The following RAB11FIP4 variants were observed in gnomAD, a reference collection of about 807,000 sequenced individuals.
The protein encoded by RAB11FIP4 is RAB11 family interacting protein 4.
In RAB11FIP4, 23 loss-of-function variants were observed where a neutral mutation model predicts 74.3. The ratio of observed to expected loss-of-function variants is 0.31; its 90% CI spans 0.22 to 0.44. The LOEUF (loss-of-function observed/expected upper bound fraction) is 0.44, where lower values mean the gene tolerates loss of function less well. Among genes scored for constraint, RAB11FIP4 ranks in the 20% least tolerant of loss-of-function variants. The pLI, the probability that RAB11FIP4 is intolerant of heterozygous loss-of-function variation, is 1.00. For missense variants in RAB11FIP4, 630 were observed against 863.9 expected (o/e 0.73, Z 3.39); for synonymous variants, 360 against 359.9 (o/e 1.00, Z 0.00).
At chr17:31,491,299 A>G (rs1188967144) in intron 3 of RAB11FIP4, among the ~76,000 whole-genome samples, 2 of 152,232 alleles carry the variant, frequency 1.3e-5, no homozygotes, top group African/African-American at 4.8e-5. Context: ...CATTCACCAG[A>G]TTCTTCGTTG....
rs139642039 is a variant in RAB11FIP4, at chr17:31,394,161, G to A, written c.159+2150G>A. Among the ~76,000 whole-genome samples the A allele has an allele frequency of 3.6e-3, 544 of 152,234 alleles. 6 individuals are homozygous for A. Among genetic ancestry groups the A allele is most frequent in the African/African-American group, 0.012 (517 of 41,536 alleles). ...ATGCATTGCAGAAAACTGGAAATAG[G>A]GACAAGCAAAATAAAAAGTATTGTG... On this transcript the variant is annotated intron_variant, in intron 1 of 14. Transcript: ENST00000621161.
At chr17:31,464,749 CTTT>C (rs58083480) in intron 3 of RAB11FIP4, among the ~76,000 whole-genome samples, 104 of 39,636 alleles carry the variant, frequency 2.6e-3, no homozygotes, top group African/African-American at 0.01. Flanking sequence ...CTGTGCCCGG[CTTT>C]TTTTTTTTTT....
intron 3 of RAB11FIP4, among the ~76,000 whole-genome samples, chr17:31,495,201 T>G (rs2072090804): frequency 6.6e-6 from 1 of 151,796 alleles, no homozygotes; most frequent in South Asian, 2.1e-4. Context: ...GACAAAAAGG[T>G]GCAGGCTGTG....
chr17:31,450,297 G>A (rs1161494422), intron 3 of RAB11FIP4, among the ~76,000 whole-genome samples: 4 of 149,586 alleles, frequency 2.7e-5, no homozygotes, highest in South Asian at 2.2e-4. Flanking sequence ...TTTTCTCCCC[G>A]CACACCACCC....
chr17:31,499,648 C>A (rs9907422), intron 3 of RAB11FIP4, among the ~76,000 whole-genome samples: 52,371 of 152,078 alleles, frequency 0.34, 9,879 homozygotes, highest in Non-Finnish European at 0.42. Context: ...AGCCACCGCA[C>A]CTGGCCACAT....
intron 3 of RAB11FIP4, among the ~76,000 whole-genome samples, chr17:31,466,815 C>T (rs1012582197): frequency 6.6e-6 from 1 of 152,214 alleles, no homozygotes; most frequent in African/African-American, 2.4e-5. Flanking sequence ...CTTCCCTTAG[C>T]CCTCAGAGTC....
chr17:31,391,966 G>A lies in RAB11FIP4; in HGVS notation c.114G>A (p.Val38=). ...CGRDPDGFLR[V]ERVAALGLRF... Reference sequence around the variant, plus strand: ...GCGACCCCGACGGCTTCCTGCGCGTGGAGCGCGTCGCGGCGCTCGGACTGC... The same window carrying A: ...GCGACCCCGACGGCTTCCTGCGCGTAGAGCGCGTCGCGGCGCTCGGACTGC... The change falls in exon 1 of 15, where the codon GTG becomes GTA. Residue 38 remains valine, a synonymous_variant. Transcript: ENST00000621161. The A allele has an allele frequency of 7.3e-7, 1 of 1,374,314 alleles. No homozygotes were observed. Among genetic ancestry groups the A allele is most frequent in the African/African-American group, 1.5e-5 (1 of 66,650 alleles). The allele number at this position is 1,374,314 out of a possible 1,614,324, so 85.1% of individuals were successfully genotyped here.
chr17:31,526,283 C>T (rs2072765635), intron 10 of RAB11FIP4: 1 of 152,352 alleles, frequency 6.6e-6, no homozygotes, highest in Admixed American at 6.5e-5. Context: ...ACAGTGTGAA[C>T]CTGGGCCACA....
chr17:31,511,547 A>G (rs2072452461), intron 3 of RAB11FIP4, among the ~76,000 whole-genome samples: 1 of 152,202 alleles, frequency 6.6e-6, no homozygotes. Flanking sequence ...GGGTTCTGAC[A>G]TGTAAATCCC....
chr17:31,490,621 T>C (rs1457865924), intron 3 of RAB11FIP4, among the ~76,000 whole-genome samples: 1 of 152,006 alleles, frequency 6.6e-6, no homozygotes, highest in Admixed American at 6.6e-5. Flanking sequence ...AGTGGTGTGA[T>C]CAGGGCTCAC....
chr17:31,506,412 T>C (rs933353100), intron 3 of RAB11FIP4, among the ~76,000 whole-genome samples: 21 of 152,338 alleles, frequency 1.4e-4, no homozygotes, highest in African/African-American at 4.6e-4. Flanking sequence ...CAAAATGCTA[T>C]CTTCTAGCTA....
chr17:31,411,181 G>A (rs8080218), intron 1 of RAB11FIP4, among the ~76,000 whole-genome samples: 2,830 of 152,190 alleles, frequency 0.019, 88 homozygotes, highest in African/African-American at 0.064. Context: ...GGCTAACATG[G>A]TGAAACCCCG....
chr17:31,515,378 C>G (rs1210606550), intron 3 of RAB11FIP4, among the ~76,000 whole-genome samples: 1 of 151,694 alleles, frequency 6.6e-6, no homozygotes, highest in Non-Finnish European at 1.5e-5. Context: ...TTGGCGTGCC[C>G]GGCTCGCTGG....
intron 3 of RAB11FIP4, among the ~76,000 whole-genome samples, chr17:31,451,640 C>G (rs570396196): frequency 7.2e-5 from 11 of 152,226 alleles, no homozygotes; most frequent in African/African-American, 2.6e-4. Context: ...GCCACCCTGA[C>G]CTGTTTTCTG....
intron 1 of RAB11FIP4, among the ~76,000 whole-genome samples, chr17:31,400,848 C>A (rs941876571): frequency 6.6e-6 from 1 of 152,178 alleles, no homozygotes; most frequent in African/African-American, 2.4e-5. Context: ...CACGCTTCAG[C>A]CCCCACCGCC....
chr17:31,530,403 C>A lies in RAB11FIP4; in HGVS notation c.1731C>A (p.Asn577Lys), dbSNP rs765734545. The change falls in exon 14 of 15, where the codon AAC becomes AAA. Residue 577 changes from asparagine (N) to lysine (K), a missense_variant. Physicochemically the swap from Asn to Lys is moderately conservative, Grantham distance 94 (BLOSUM62 0). Coordinates refer to ENST00000621161, the MANE Select transcript of RAB11FIP4 (RefSeq NM_032932.6). ...GCCTCAGCCTCTACGAAGCAAAAAACCTCTTTGCTGCCCAGACTAAAGCCC... is the reference window on the plus strand; with the variant it reads ...GCCTCAGCCTCTACGAAGCAAAAAAACTCTTTGCTGCCCAGACTAAAGCCC... Reference protein sequence around the residue: ...ILSLSLYEAKNLFAAQTKAQS... With the variant: ...ILSLSLYEAKKLFAAQTKAQS... The A allele has an allele frequency of 7.4e-6, 12 of 1,614,178 alleles. No homozygotes were observed. The South Asian group carries it at 1.3e-4, about 18-fold the overall frequency.
intron 1 of RAB11FIP4, among the ~76,000 whole-genome samples, chr17:31,400,337 T>G (rs573026040): frequency 2.4e-4 from 37 of 152,282 alleles, no homozygotes; most frequent in African/African-American, 8.7e-4. Flanking sequence ...GGAAACGTGG[T>G]CCAGGCAGAG....
intron 3 of RAB11FIP4, among the ~76,000 whole-genome samples, chr17:31,472,408 C>T (rs1029773330): frequency 6.6e-6 from 1 of 152,130 alleles, no homozygotes; most frequent in Non-Finnish European, 1.5e-5. Flanking sequence ...TGAGTCATGG[C>T]TCTCATCATA....
In RAB11FIP4 at chr17:31,496,667, G is replaced by A. The variant is rs145919235; in HGVS notation, c.337-20984G>A. On this transcript the variant is annotated intron_variant, in intron 3 of 14. Coordinates refer to ENST00000621161, the MANE Select transcript of RAB11FIP4 (RefSeq NM_032932.6). Reference sequence around the variant, plus strand: ...AGCCTCTTTGAAGCTCCCTGGGGTGGGAAAGGGGAGGAGGGCTCTGCCTGA... The same window carrying A: ...AGCCTCTTTGAAGCTCCCTGGGGTGAGAAAGGGGAGGAGGGCTCTGCCTGA... Among the ~76,000 whole-genome samples the A allele has an allele frequency of 2.6e-4, 39 of 152,344 alleles. 1 individual carries two copies. The highest frequency in any genetic ancestry group is 9.1e-4 in the African/African-American group (38 of 41,576).
Sources: allele counts gnomAD v4.1 joint callset (sites outside exome capture counted in the v4.1 genomes callset), GRCh38; gene constraint gnomAD v4.1.1; transcripts MANE v1.5; gene names NCBI Gene and HGNC (gene_info 2026-07-23, HGNC 2026-07-21).